CD96: variants seen among roughly 807,000 people sequenced by gnomAD.
The protein encoded by CD96 is CD96 molecule, also known as T-cell surface protein tactile.
Under a neutral mutation model 71.3 loss-of-function variants are expected in CD96, and 70 were observed. The ratio of observed to expected loss-of-function variants is 0.98; its 90% confidence interval spans 0.81 to 1.20. The LOEUF (loss-of-function observed/expected upper bound fraction) is 1.20, where lower values mean the gene tolerates loss of function less well. Among genes scored for constraint, CD96 ranks in the 50% most tolerant of loss-of-function variants. The pLI is 0.00. For missense variants in CD96, 742 were observed against 677.5 expected, an observed-to-expected ratio of 1.10 and a Z score of -1.06; for synonymous variants, 248 against 233.0, an observed-to-expected ratio of 1.06 and a Z score of -0.59.
In CD96 at chr3:111,579,224, C is replaced by T. The variant is rs879595027; in HGVS notation, c.741C>T (p.Val247=). The change falls in exon 4 of 14, where the codon GTC becomes GTT. Residue 247 remains valine (V), a synonymous_variant. Transcript: ENST00000352690. ...PNKILRSSTT[V]KVFAKPEIPV... ...AAATCTTGAGGAGCTCCACCACAGT[C>T]AAGGTTTTTGGTAAGGGCTTTTGTT... The T allele has an allele frequency of 5.7e-6, 9 of 1,586,954 alleles. No individual in the cohort carries two copies. The highest frequency in any genetic ancestry group is 5.0e-5 in the Admixed American group (3 of 59,976).
At chr3:111,560,371 G>A (rs1374694391) in intron 2 of CD96, among the ~76,000 whole-genome samples, 15 of 151,390 alleles carry the variant, frequency 9.9e-5, no homozygotes, top group East Asian at 3.9e-4. Flanking sequence ...CATGTTTAGC[G>A]CTTCCTTCAG....
At chr3:111,654,082 G>A (rs1940171372), downstream of CD96, among the ~76,000 whole-genome samples, 1 of 152,194 alleles carries the variant, frequency 6.6e-6, no homozygotes, top group South Asian at 2.1e-4. Flanking sequence ...AGACTTAGGA[G>A]GGTGGCTTTG....
At position 111,632,053 on chromosome 3, in the gene CD96, A is replaced by C. The variant is rs1236973829; in HGVS notation, c.1322-5143A>C. ...AGCTAGGCTATACCATTCAGGATATAGGACGGGCAAAGATTTCATGATGAA... is the reference window on the plus strand; with the variant it reads ...AGCTAGGCTATACCATTCAGGATATCGGACGGGCAAAGATTTCATGATGAA... On this transcript the variant is annotated intron_variant, in intron 10 of 13. Coordinates refer to ENST00000352690, the MANE Select transcript of CD96 (RefSeq NM_005816.5). Among the ~76,000 whole-genome samples the C allele has an allele frequency of 3.3e-5, 5 of 152,356 alleles. No homozygotes were observed. In the East Asian group the frequency reaches 9.6e-4, roughly 29 times the overall value.
chr3:111,646,153 A>G (rs1238315945), intron 12 of CD96, among the ~76,000 whole-genome samples: 1 of 152,148 alleles, frequency 6.6e-6, no homozygotes, highest in South Asian at 2.1e-4. Flanking sequence ...CTAAAGACCT[A>G]TCTATCATGT....
intron 5 of CD96, chr3:111,594,209 C>T (rs750992673): frequency 2.5e-6 from 4 of 1,578,732 alleles, no homozygotes; most frequent in East Asian, 2.2e-5. Context: ...CATGTCACCT[C>T]TTCTACAGCG....
intron 12 of CD96, among the ~76,000 whole-genome samples, chr3:111,642,811 A>G (rs1178864473): frequency 1.3e-5 from 2 of 152,076 alleles, no homozygotes; most frequent in African/African-American, 2.4e-5. Context: ...CGCCTAAAAA[A>G]AAAATAAATA....
chr3:111,544,435 G>T (rs867926102), intron 1 of CD96, among the ~76,000 whole-genome samples: 22 of 151,816 alleles, frequency 1.4e-4, no homozygotes, highest in South Asian at 1.3e-3. Context: ...GAGCCACTGC[G>T]CCAGGCCTGG....
intron 8 of CD96, among the ~76,000 whole-genome samples, chr3:111,618,973 A>G (rs1938387309): frequency 6.6e-6 from 1 of 152,138 alleles, no homozygotes; most frequent in Admixed American, 6.5e-5. Flanking sequence ...GGTCCATATT[A>G]AATTATTTTT....
At chr3:111,590,126 A>G (rs182617608) in intron 5 of CD96, among the ~76,000 whole-genome samples, 3 of 152,306 alleles carry the variant, frequency 2.0e-5, no homozygotes, top group African/African-American at 7.2e-5. Flanking sequence ...TTTTTAACCC[A>G]GAATACAGAC....
intron 5 of CD96, chr3:111,595,549 C>T (rs1937216324): frequency 6.6e-6 from 1 of 152,030 alleles, no homozygotes; most frequent in African/African-American, 2.4e-5. Flanking sequence ...AAAGGATGTT[C>T]CTGGCATATG....
At chr3:111,588,266 A>G (rs1005709979) in intron 5 of CD96, among the ~76,000 whole-genome samples, 1 of 152,166 alleles carries the variant, frequency 6.6e-6, no homozygotes, top group Non-Finnish European at 1.5e-5. Flanking sequence ...TCAAAGTTCC[A>G]CAGATCTCTA....
chr3:111,554,669 A>G (rs1934896515), intron 2 of CD96, among the ~76,000 whole-genome samples: 1 of 152,060 alleles, frequency 6.6e-6, no homozygotes, highest in South Asian at 2.1e-4. Context: ...GCAGTACCCA[A>G]CTTTTTGACA....
chr3:111,606,122 C>A (rs776641574), intron 7 of CD96, among the ~76,000 whole-genome samples: 2 of 152,134 alleles, frequency 1.3e-5, no homozygotes, highest in Non-Finnish European at 2.9e-5. Context: ...AACACAGACA[C>A]ACGCACGCAC....
chr3:111,556,074 G>C (rs185680140), intron 2 of CD96, among the ~76,000 whole-genome samples: 9 of 152,342 alleles, frequency 5.9e-5, no homozygotes, highest in Admixed American at 3.3e-4. Context: ...TCTTATTTTT[G>C]CTACTGACAT....
chr3:111,593,971 G>A (rs558915889), intron 5 of CD96: 1 of 1,614,176 alleles, frequency 6.2e-7, no homozygotes, highest in Non-Finnish European at 8.5e-7. Flanking sequence ...ACAGGCGGCA[G>A]GTGGCATACT....
At chr3:111,550,831 A>G (rs1023490429) in intron 2 of CD96, among the ~76,000 whole-genome samples, 2 of 152,184 alleles carry the variant, frequency 1.3e-5, no homozygotes, top group African/African-American at 2.4e-5. Context: ...TGTGTTGAAC[A>G]TCCATTTGGG....
intron 8 of CD96, among the ~76,000 whole-genome samples, chr3:111,609,711 A>G (rs745791756): frequency 1.1e-3 from 164 of 152,284 alleles, no homozygotes; most frequent in Non-Finnish European, 1.7e-3. Flanking sequence ...AGCAGGGGGG[A>G]AAAATGCCAC....
intron 12 of CD96, among the ~76,000 whole-genome samples, chr3:111,646,540 T>TAA (rs60291711): frequency 6.8e-5 from 9 of 132,310 alleles, no homozygotes; most frequent in Admixed American, 7.5e-5. Context: ...TACTGAAAAG[T>TAA]AAAAAAAAAA....
intron 10 of CD96, among the ~76,000 whole-genome samples, chr3:111,628,548 T>A (rs916157925): frequency 6.6e-6 from 1 of 152,314 alleles, no homozygotes; most frequent in South Asian, 2.1e-4. Context: ...AATCTATGAC[T>A]GATTGGGGTA....
Sources: gnomAD v4.1 joint callset for allele counts (sites outside exome capture counted in the v4.1 genomes callset) on GRCh38, gnomAD v4.1.1 for gene constraint, MANE v1.5 for transcripts, NCBI Gene and HGNC (gene_info 2026-07-23, HGNC 2026-07-21) for gene names.